The following CLPB variants were observed in gnomAD, a reference collection of about 807,000 sequenced individuals.
CLPB encodes the protein mitochondrial disaggregase.
CLPB carries 40 observed loss-of-function variants against 78.4 expected under a neutral mutation model. That is an observed-to-expected ratio of 0.51 (90% CI 0.40 to 0.66). The LOEUF (loss-of-function observed/expected upper bound fraction) is 0.66, where lower values mean the gene tolerates loss of function less well. CLPB is among the 30% of genes least tolerant of loss of function. CLPB has a pLI of 0.00. For synonymous variants in CLPB, 333 were observed against 348.0 expected (o/e 0.96, Z 0.48); for missense variants, 780 against 886.9 (o/e 0.88, Z 1.53).
chr11:72,403,485 G>A (rs928670979), intron 2 of CLPB, among the ~76,000 whole-genome samples: 13 of 151,594 alleles, frequency 8.6e-5, no homozygotes, highest in African/African-American at 2.4e-4. Context: ...CTTGTGGCTC[G>A]TGGACTCCTG....
At chr11:72,428,298 A>G (rs576573611) in intron 2 of CLPB, among the ~76,000 whole-genome samples, 9 of 152,196 alleles carry the variant, frequency 5.9e-5, no homozygotes, top group East Asian at 3.9e-4. Flanking sequence ...CCTTTTCCCA[A>G]TGCAGTCCAT....
At chr11:72,359,094 C>A in intron 4 of CLPB, 86 bp from the exon 5 acceptor site, 1 of 1,593,678 alleles carries the variant, frequency 6.3e-7, no homozygotes, top group Non-Finnish European at 8.6e-7. Flanking sequence ...CATTTTAATT[C>A]ACTCACTCAT....
chr11:72,373,086 G>C, intron 4 of CLPB: 1 of 1,315,146 alleles, frequency 7.6e-7, no homozygotes, highest in Non-Finnish European at 1.1e-6. Flanking sequence ...CTGGGAAGGG[G>C]GCACTCAGGC....
intron 10 of CLPB, 91 bp from the exon 11 acceptor site, chr11:72,302,055 A>G (rs1241142425): frequency 7.0e-7 from 1 of 1,426,604 alleles, no homozygotes; most frequent in Non-Finnish European, 9.7e-7. Context: ...TTTATACGCT[A>G]TTAAGGTTGC....
At chr11:72,332,218 C>G (rs1277540881) in intron 5 of CLPB, among the ~76,000 whole-genome samples, 2 of 151,698 alleles carry the variant, frequency 1.3e-5, no homozygotes, top group African/African-American at 4.8e-5. Context: ...CACAGTGGTT[C>G]ATGCCTGTAG....
At chr11:72,414,693 G>GA (rs1348789382) in intron 2 of CLPB, among the ~76,000 whole-genome samples, 1 of 152,182 alleles carries the variant, frequency 6.6e-6, no homozygotes, top group Non-Finnish European at 1.5e-5. Flanking sequence ...CTGGAGGAGG[G>GA]AAAATGAAAC....
intron 5 of CLPB, among the ~76,000 whole-genome samples, chr11:72,347,926 A>G (rs2135583781): frequency 6.6e-6 from 1 of 152,318 alleles, no homozygotes; most frequent in Admixed American, 6.5e-5. Flanking sequence ...GCTGGCTTTG[A>G]GGATGGATGG....
chr11:72,428,588 A>AT (rs1178512573), intron 2 of CLPB, among the ~76,000 whole-genome samples: 1 of 152,114 alleles, frequency 6.6e-6, no homozygotes, highest in East Asian at 1.9e-4. Context: ...CTTGTATGAG[A>AT]TGGGGGCTGA....
chr11:72,317,633 T>C (rs1949972454), intron 6 of CLPB, among the ~76,000 whole-genome samples: 1 of 152,244 alleles, frequency 6.6e-6, no homozygotes, highest in African/African-American at 2.4e-5. Flanking sequence ...ATGGAATAAA[T>C]GCTTAATAAG....
At chr11:72,322,476 G>A (rs1465787194) in intron 6 of CLPB, among the ~76,000 whole-genome samples, 8 of 152,136 alleles carry the variant, frequency 5.3e-5, no homozygotes, top group African/African-American at 1.7e-4. Flanking sequence ...AAGCCACTGC[G>A]CCCGGCAATG....
chr11:72,399,800 T>A (rs886336278), intron 3 of CLPB, among the ~76,000 whole-genome samples: 5 of 152,160 alleles, frequency 3.3e-5, no homozygotes, highest in Admixed American at 2.6e-4. Flanking sequence ...GAAATCTAAT[T>A]CAAAGGTGGT....
In CLPB at chr11:72,433,197, C is replaced by T. The variant is rs570098854; in HGVS notation, c.403+875G>A. Among the ~76,000 whole-genome samples the T allele has an allele frequency of 8.5e-5, 13 of 152,220 alleles. 1 individual carries two copies. The highest frequency in any genetic ancestry group is 1.5e-4 in the Non-Finnish European group (10 of 68,012). ...AATCCTGAGACTGACAGACTCAGGCCGCTGAACTCCAAAAAGAGTCAAAAT... is the reference window on the plus strand; with the variant it reads ...AATCCTGAGACTGACAGACTCAGGCTGCTGAACTCCAAAAAGAGTCAAAAT... On this transcript the variant is annotated intron_variant, in intron 1 of 15. Transcript: ENST00000538039.
chr11:72,410,275 T>C (rs1037670241), intron 2 of CLPB, among the ~76,000 whole-genome samples: 7 of 152,020 alleles, frequency 4.6e-5, no homozygotes, highest in Non-Finnish European at 8.8e-5. Flanking sequence ...ACTTACTAAG[T>C]GAGGAGTGGT....
At chr11:72,303,819 T>TG (rs1949700930) in intron 9 of CLPB, 1 of 152,256 alleles carries the variant, frequency 6.6e-6, no homozygotes, top group African/African-American at 2.4e-5. Context: ...TACAAGTCTC[T>TG]GAGGTAAGCA....
In CLPB at chr11:72,407,870, A is replaced by G. The variant is rs187521672; in HGVS notation, c.456-4818T>C. 6.6e-3 allele frequency among the ~76,000 whole-genome samples: 1,006 copies of G among 151,842 alleles called. 11 individuals carry two copies. The highest frequency in any genetic ancestry group is 0.023 in the African/African-American group (963 of 41,378). ...CACCGTATTAGCCAGGATGGTCTTG[A>G]TCTCCTGACCTTGTGATCCACCCGC... On this transcript the variant is annotated intron_variant, in intron 2 of 15. Transcript: ENST00000538039.
intron 12 of CLPB, among the ~76,000 whole-genome samples, chr11:72,295,266 C>T (rs1401260767): frequency 1.3e-5 from 2 of 152,216 alleles, no homozygotes; most frequent in Admixed American, 6.5e-5. Flanking sequence ...GCCTGGAGCC[C>T]TCTTATCACC....
chr11:72,298,408 G>A (rs897037602), intron 11 of CLPB, among the ~76,000 whole-genome samples: 5 of 152,168 alleles, frequency 3.3e-5, no homozygotes, highest in Non-Finnish European at 7.3e-5. Flanking sequence ...CATTGGTCAC[G>A]CCAAGGCCAG....
intron 9 of CLPB, among the ~76,000 whole-genome samples, chr11:72,304,628 C>G (rs1949714802): frequency 6.6e-6 from 1 of 152,152 alleles, no homozygotes; most frequent in Non-Finnish European, 1.5e-5. Flanking sequence ...AAAATAAGTT[C>G]ACAGATCTGA....
intron 2 of CLPB, among the ~76,000 whole-genome samples, chr11:72,424,663 A>G (rs1856312073): frequency 6.6e-6 from 1 of 152,134 alleles, no homozygotes; most frequent in African/African-American, 2.4e-5. Flanking sequence ...TGGGAGGCCG[A>G]GGCGGGCGGA....
Sources: allele counts gnomAD v4.1 joint callset (sites outside exome capture counted in the v4.1 genomes callset), GRCh38; gene constraint gnomAD v4.1.1; transcripts MANE v1.5; gene names NCBI Gene and HGNC (gene_info 2026-07-23, HGNC 2026-07-21).